RORA: variants seen among roughly 807,000 people sequenced by gnomAD.
The protein encoded by RORA is RAR related orphan receptor A.
Under a neutral mutation model 69.5 loss-of-function variants are expected in RORA, and 7 were observed. The ratio of observed to expected loss-of-function variants is 0.10; its 90% CI spans 0.06 to 0.19. The LOEUF (loss-of-function observed/expected upper bound fraction) is 0.19, where lower values mean the gene tolerates loss of function less well. RORA is among the 10% of genes least tolerant of loss of function. The probability of loss-of-function intolerance (pLI) is 1.00; values close to 1 mark genes in which losing one functional copy is unlikely to be tolerated. For synonymous variants in RORA, 261 were observed against 240.8 expected, an observed-to-expected ratio of 1.08 and a Z score of -0.78; for missense variants, 457 against 663.0, an observed-to-expected ratio of 0.69 and a Z score of 3.41.
chr15:60,531,900 T>A lies in RORA; in HGVS notation c.197-49A>T. 1 of 1,115,528 alleles carries A rather than the reference T, an allele frequency of 9.0e-7. No individual in the cohort carries two copies. The highest frequency in any genetic ancestry group is 1.3e-6 in the Non-Finnish European group (1 of 752,068). The allele number at this position is 1,115,528 out of a possible 1,614,324, so 69.1% of individuals were successfully genotyped here. ...TTAATTACATTTTCTTTTAAACACC[T>A]TATAAAAGCGTTCCCTGATCAGCAT... On this transcript the variant is annotated intron_variant, in intron 2 of 10. Coordinates refer to ENST00000335670, the MANE Select transcript of RORA (RefSeq NM_134261.3). The surrounding 1 kb of genome is among the most constrained non-coding windows in gnomAD (Gnocchi z 4.8).
At chr15:61,139,261 A>G (rs2079274877) in intron 1 of RORA, among the ~76,000 whole-genome samples, 1 of 152,188 alleles carries the variant, frequency 6.6e-6, no homozygotes, top group South Asian at 2.1e-4. Flanking sequence ...TCCCCAAACT[A>G]AACTGACCAC....
chr15:60,970,942 C>G (rs1395252032), intron 1 of RORA, among the ~76,000 whole-genome samples: 1 of 152,160 alleles, frequency 6.6e-6, no homozygotes, highest in Non-Finnish European at 1.5e-5. Context: ...TCCTGAGCCA[C>G]GTGCAATCAT....
intron 1 of RORA, among the ~76,000 whole-genome samples, chr15:60,724,696 C>T (rs1036639453): frequency 3.3e-5 from 5 of 152,180 alleles, no homozygotes; most frequent in Non-Finnish European, 4.4e-5. Flanking sequence ...CTCTGGAGGG[C>T]GAGCTCCTTA....
intron 1 of RORA, chr15:61,176,032 A>T (rs1033638319): frequency 1.1e-4 from 17 of 152,222 alleles, no homozygotes; most frequent in African/African-American, 4.1e-4. Flanking sequence ...TCCTAAATTC[A>T]TCTCTATATC....
intron 1 of RORA, among the ~76,000 whole-genome samples, chr15:60,771,512 A>C (rs2072074893): frequency 6.6e-6 from 1 of 152,152 alleles, no homozygotes; most frequent in Non-Finnish European, 1.5e-5. Context: ...TAGGCCTTTC[A>C]TATAGTTGGT....
intron 1 of RORA, among the ~76,000 whole-genome samples, chr15:60,770,094 T>C (rs1443647094): frequency 6.6e-6 from 1 of 152,220 alleles, no homozygotes; most frequent in Non-Finnish European, 1.5e-5. Context: ...CTGTGGGTAC[T>C]AGGGTAGGGA....
At chr15:60,954,439 T>TAA (rs34360652) in intron 1 of RORA, among the ~76,000 whole-genome samples, 35 of 135,454 alleles carry the variant, frequency 2.6e-4, no homozygotes, top group East Asian at 1.6e-3. Context: ...ACTTAAAGTA[T>TAA]AAAAAAAAAA....
chr15:61,227,067 T>C (rs2033438479), intron 1 of RORA, among the ~76,000 whole-genome samples: 1 of 152,118 alleles, frequency 6.6e-6, no homozygotes, highest in African/African-American at 2.4e-5. Flanking sequence ...CCTGCCACCC[T>C]GATCGCTTGC....
chr15:61,127,745 TC>T (rs1214517039), intron 1 of RORA, among the ~76,000 whole-genome samples: 2 of 152,328 alleles, frequency 1.3e-5, no homozygotes, highest in East Asian at 3.9e-4. Flanking sequence ...TCAATAGTTG[TC>T]CTTGAGCTCA....
intron 1 of RORA, among the ~76,000 whole-genome samples, chr15:60,754,897 T>C (rs545597391): frequency 6.6e-6 from 1 of 152,062 alleles, no homozygotes; most frequent in Non-Finnish European, 1.5e-5. Flanking sequence ...CTGTGGAATG[T>C]GGGTTGTGTA....
At chr15:60,753,159 C>A (rs981248672) in intron 1 of RORA, among the ~76,000 whole-genome samples, 14 of 152,282 alleles carry the variant, frequency 9.2e-5, no homozygotes, top group African/African-American at 3.1e-4. Flanking sequence ...GAACAGGGAG[C>A]AGCACGTGGA....
intron 2 of RORA, chr15:60,556,995 C>T: frequency 7.7e-7 from 1 of 1,303,738 alleles, no homozygotes; most frequent in Non-Finnish European, 1.1e-6. Context: ...TGTATTTATG[C>T]ATAGCACATC....
At position 60,592,472 on chromosome 15, in the gene RORA, C is replaced by T. The variant is rs2140525388; in HGVS notation, c.197-60621G>A. On this transcript the variant is annotated intron_variant, in intron 2 of 10. Transcript: ENST00000335670. ...AGCGGATGGTCCGACCCCGGAGCCC[C>T]CTCTGCCGCCGCCGCGCCGCCGCCG... 5 of 1,363,154 alleles carry T rather than the reference C, an allele frequency of 3.7e-6. No homozygotes were observed. In the East Asian group the frequency reaches 9.6e-5, roughly 26 times the overall value. The allele number at this position is 1,363,154 out of a possible 1,614,324, so 84.4% of individuals were successfully genotyped here.
intron 1 of RORA, among the ~76,000 whole-genome samples, chr15:61,047,216 G>A (rs1897073745): frequency 6.6e-6 from 1 of 152,258 alleles, no homozygotes; most frequent in Admixed American, 6.5e-5. Flanking sequence ...CCAGCATCCA[G>A]GGATTTGCAC....
chr15:60,817,109 C>T (rs1038165159), intron 1 of RORA, among the ~76,000 whole-genome samples: 1 of 152,122 alleles, frequency 6.6e-6, no homozygotes, highest in African/African-American at 2.4e-5. Flanking sequence ...ACCTCACAGA[C>T]TTATCATTTC....
intron 1 of RORA, among the ~76,000 whole-genome samples, chr15:60,685,838 A>C (rs961297292): frequency 2.6e-5 from 4 of 152,218 alleles, no homozygotes; most frequent in Non-Finnish European, 5.9e-5. Flanking sequence ...AATTGCATAA[A>C]AAGCCTTTAA....
At position 60,534,155 on chromosome 15, in the gene RORA, G is replaced by A. The variant is rs753440753; in HGVS notation, c.197-2304C>T. 3.9e-5 allele frequency among the ~76,000 whole-genome samples: 6 copies of A among 152,210 alleles called. No individual in the cohort carries two copies. Among genetic ancestry groups the A allele is most frequent in the African/African-American group, 1.2e-4 (5 of 41,458 alleles). ...GATTACTAATTAGAAGTGAAGCAACGATGTTTAAGGCTGTGACCAAGATGC... is the reference window on the plus strand; with the variant it reads ...GATTACTAATTAGAAGTGAAGCAACAATGTTTAAGGCTGTGACCAAGATGC... On this transcript the variant is annotated intron_variant, in intron 2 of 10. Coordinates refer to ENST00000335670, the MANE Select transcript of RORA (RefSeq NM_134261.3). The surrounding 1 kb of genome is among the most constrained non-coding windows in gnomAD (Gnocchi z 5.0).
intron 1 of RORA, among the ~76,000 whole-genome samples, chr15:61,212,461 G>A (rs891539286): frequency 1.1e-4 from 16 of 152,108 alleles, no homozygotes; most frequent in Non-Finnish European, 2.1e-4. Flanking sequence ...GTGCAATGGC[G>A]CAATCTCAGC....
chr15:61,179,230 C>T (rs2079659718), intron 1 of RORA, among the ~76,000 whole-genome samples: 1 of 152,136 alleles, frequency 6.6e-6, no homozygotes, highest in Non-Finnish European at 1.5e-5. Context: ...GTCGACTCTT[C>T]CAAGGAAACC....
Sources: allele counts gnomAD v4.1 joint callset (sites outside exome capture counted in the v4.1 genomes callset), GRCh38; gene constraint gnomAD v4.1.1; non-coding constraint Gnocchi (gnomAD v3.1); transcripts MANE v1.5; gene names NCBI Gene and HGNC (gene_info 2026-07-23, HGNC 2026-07-21).